HMCN1: variants seen among roughly 807,000 people sequenced by gnomAD.
The protein encoded by HMCN1 is hemicentin 1.
In HMCN1, 321 loss-of-function variants were observed where a neutral mutation model predicts 625.9. The ratio of observed to expected loss-of-function variants is 0.51; its 90% confidence interval spans 0.47 to 0.56. HMCN1 has a LOEUF of 0.56. HMCN1 is among the 20% of genes least tolerant of loss of function. The probability of loss-of-function intolerance (pLI) is 0.00; values close to 1 mark genes in which losing one functional copy is unlikely to be tolerated. For synonymous variants in HMCN1, 2,425 were observed against 2,417.6 expected (o/e 1.00, Z -0.09); for missense variants, 6,588 against 6,887.3 (o/e 0.96, Z 1.54).
At position 186,019,568 on chromosome 1, in the gene HMCN1, T is replaced by C; in HGVS notation, c.5498T>C (p.Leu1833Pro). The part of the protein sequence containing the change: ...HVPPTIKSSG[L>P]SERVVVKYKP... ...CCTCCAACAATCAAGTCCTCAGGCC[T>C]TTCTGAGAGAGTTGTGGTAAAATAC... Residue 1833 changes from leucine to proline, a missense_variant, in exon 35 of 107, where the codon CTT (leucine) becomes CCT (proline). This residue lies in a region of HMCN1 where 4,628 missense variants were observed against 4,853.1 expected (regional missense o/e 0.95). Coordinates refer to ENST00000271588, the MANE Select transcript of HMCN1 (RefSeq NM_031935.3). 1.9e-6 allele frequency: 3 copies of C among 1,610,920 alleles called. No individual in the cohort carries two copies. Among genetic ancestry groups the C allele is most frequent in the Non-Finnish European group, 2.5e-6 (3 of 1,177,344 alleles).
At chr1:185,945,303 T>A (rs1668280428) in intron 11 of HMCN1, among the ~76,000 whole-genome samples, 1 of 152,218 alleles carries the variant, frequency 6.6e-6, no homozygotes, top group Admixed American at 6.5e-5. Flanking sequence ...GAATATATTT[T>A]TTCCATAATA....
chr1:186,073,691 A>T (rs1216314099), intron 52 of HMCN1, among the ~76,000 whole-genome samples: 2 of 152,066 alleles, frequency 1.3e-5, no homozygotes, highest in Admixed American at 1.3e-4. Context: ...AATTATCATG[A>T]CAGATCTTCT....
At chr1:186,084,715 A>G (rs1164218170) in intron 57 of HMCN1, among the ~76,000 whole-genome samples, 1 of 152,070 alleles carries the variant, frequency 6.6e-6, no homozygotes, top group Non-Finnish European at 1.5e-5. Flanking sequence ...AAAGCTGAGC[A>G]ACATATAACA....
chr1:185,788,680 C>T (rs1657789492), intron 1 of HMCN1, among the ~76,000 whole-genome samples: 1 of 152,160 alleles, frequency 6.6e-6, no homozygotes, highest in South Asian at 2.1e-4. Flanking sequence ...CCTGAGCTCG[C>T]TTGAGCTGTA....
chr1:185,865,625 A>ATT, intron 3 of HMCN1, 116 bp from the exon 4 acceptor site: 1 of 756,180 alleles, frequency 1.3e-6, no homozygotes, highest in South Asian at 1.5e-5. Context: ...ACACACACAC[A>ATT]CACACATTCA....
Position 186,095,437 on chromosome 1 carries a change from G to C in HMCN1, c.10489G>C (p.Glu3497Gln). ...AATGGTCCTGCAGCTCCTCAAAGCA[G>C]AGACTGAAGATTCGGGAAAGTACAC... The part of the protein sequence containing the change: ...HGMVLQLLKA[E>Q]TEDSGKYTCI... Residue 3497 changes from glutamate to glutamine, a missense_variant, in exon 68 of 107, where the codon GAG becomes CAG. Glu to Gln is a conservative substitution (Grantham distance 29). Coordinates refer to ENST00000271588, the MANE Select transcript of HMCN1 (RefSeq NM_031935.3). 21 of 1,613,772 alleles carry C rather than the reference G, an allele frequency of 1.3e-5. No individual in the cohort carries two copies. The highest frequency in any genetic ancestry group is 1.8e-5 in the Non-Finnish European group (21 of 1,179,830).
At chr1:186,043,458 C>T (rs1196974864) in intron 40 of HMCN1, among the ~76,000 whole-genome samples, 1 of 152,050 alleles carries the variant, frequency 6.6e-6, no homozygotes, top group East Asian at 1.9e-4. Flanking sequence ...TTTAAAAAAT[C>T]TGGTTTCCTT....
chr1:185,815,558 T>C (rs1659793203), intron 1 of HMCN1, among the ~76,000 whole-genome samples: 1 of 150,112 alleles, frequency 6.7e-6, no homozygotes, highest in South Asian at 2.1e-4. Flanking sequence ...TATCCACTTC[T>C]ATTATGTACA....
chr1:186,005,192 AT>A (rs1293253079), intron 29 of HMCN1, among the ~76,000 whole-genome samples: 15 of 145,748 alleles, frequency 1.0e-4, no homozygotes, highest in Non-Finnish European at 1.7e-4. Context: ...TTTATAAACA[AT>A]TTTTTAATTG....
intron 98 of HMCN1, among the ~76,000 whole-genome samples, chr1:186,165,818 C>CT (rs1034568767): frequency 5.3e-5 from 8 of 152,272 alleles, no homozygotes; most frequent in Non-Finnish European, 7.4e-5. Flanking sequence ...TATGTAACTT[C>CT]TTTTTTCCTC....
At chr1:186,069,811 C>A in intron 51 of HMCN1, 35 bp downstream of exon 51, 1 of 1,418,552 alleles carries the variant, frequency 7.0e-7, no homozygotes. Flanking sequence ...TTCATAGCTT[C>A]CCCAATTTTT....
chr1:185,857,930 T>A (rs900141308), intron 2 of HMCN1, among the ~76,000 whole-genome samples: 5 of 152,180 alleles, frequency 3.3e-5, no homozygotes, highest in Non-Finnish European at 7.4e-5. Context: ...AAGAATGGAA[T>A]TTTCTTCCTC....
chr1:185,955,231 G>A (rs1649536410), intron 11 of HMCN1, among the ~76,000 whole-genome samples: 2 of 151,944 alleles, frequency 1.3e-5, no homozygotes, highest in South Asian at 2.1e-4. Context: ...CCTAAATATT[G>A]TTTTAACTGT....
intron 73 of HMCN1, among the ~76,000 whole-genome samples, chr1:186,114,402 C>T (rs12078938): frequency 0.53 from 79,648 of 151,218 alleles, 21,148 homozygotes; most frequent in Admixed American, 0.61. Context: ...AGATTAAAGA[C>T]GCACGCCAGC....
intron 30 of HMCN1, among the ~76,000 whole-genome samples, chr1:186,008,290 T>C (rs1653770901): frequency 6.6e-6 from 1 of 152,124 alleles, no homozygotes; most frequent in African/African-American, 2.4e-5. Flanking sequence ...CGTGAGGCTA[T>C]TGAGCACTTG....
At chr1:185,817,337 A>T (rs1283607811) in intron 1 of HMCN1, among the ~76,000 whole-genome samples, 1 of 152,156 alleles carries the variant, frequency 6.6e-6, no homozygotes, top group Non-Finnish European at 1.5e-5. Context: ...AATAGACAGC[A>T]GTGGAAAGGG....
At chr1:185,745,897 C>T (rs1422063577) in intron 1 of HMCN1, among the ~76,000 whole-genome samples, 4 of 151,846 alleles carry the variant, frequency 2.6e-5, no homozygotes, top group Non-Finnish European at 5.9e-5. Context: ...AGGAAGGAGA[C>T]AGGATAGAAC....
intron 48 of HMCN1, 42 bp from the exon 49 acceptor site, chr1:186,065,196 A>T (rs1658026547): frequency 6.6e-7 from 1 of 1,505,930 alleles, no homozygotes; most frequent in Non-Finnish European, 9.2e-7. Context: ...TTCATTCTAT[A>T]CATGTAATTA....
At chr1:185,848,717 A>G (rs904775013) in intron 2 of HMCN1, among the ~76,000 whole-genome samples, 8 of 152,014 alleles carry the variant, frequency 5.3e-5, no homozygotes, top group Non-Finnish European at 1.0e-4. Flanking sequence ...TTTGTGAATG[A>G]TGTTATAGTA....
Sources: allele counts gnomAD v4.1 joint callset (sites outside exome capture counted in the v4.1 genomes callset), GRCh38; gene constraint gnomAD v4.1.1; regional missense constraint gnomAD v4.1.1; transcripts MANE v1.5; gene names NCBI Gene and HGNC (gene_info 2026-07-23, HGNC 2026-07-21).